ANKRD36C: variants seen among roughly 807,000 people sequenced by gnomAD.
ANKRD36C encodes the protein ankyrin repeat domain 36C.
Under a neutral mutation model 276.4 loss-of-function variants are expected in ANKRD36C, and 61 were observed. The observed-to-expected ratio is 0.22, with a 90% confidence interval of 0.18 to 0.27. ANKRD36C has a LOEUF of 0.27. Ranked by LOEUF, ANKRD36C falls within the 10% of genes least tolerant of loss-of-function variation. The probability of loss-of-function intolerance (pLI) is 1.00; values close to 1 mark genes in which losing one functional copy is unlikely to be tolerated. For missense variants in ANKRD36C, 1,447 were observed against 2,032.3 expected (o/e 0.71, Z 5.54); for synonymous variants, 483 against 680.1 (o/e 0.71, Z 4.51).
At chr2:95,914,667 C>T (rs1219139243) in intron 38 of ANKRD36C, among the ~76,000 whole-genome samples, 1 of 151,444 alleles carries the variant, frequency 6.6e-6, no homozygotes, top group Non-Finnish European at 1.5e-5. Flanking sequence ...TACATGATCC[C>T]ACATGTCTTT....
intron 20 of ANKRD36C, among the ~76,000 whole-genome samples, 177 bp downstream of exon 20, chr2:95,940,978 CAATTA>C (rs1343994563): frequency 6.8e-6 from 1 of 147,922 alleles, no homozygotes; most frequent in Non-Finnish European, 1.5e-5. Flanking sequence ...TGTAATTTAA[CAATTA>C]ATTTAATTTT....
intron 56 of ANKRD36C, among the ~76,000 whole-genome samples, chr2:95,881,328 TA>T (rs1416969538): frequency 6.6e-6 from 1 of 152,230 alleles, no homozygotes; most frequent in African/African-American, 2.4e-5. Flanking sequence ...TAATAAATTA[TA>T]CATATTTATA....
intron 60 of ANKRD36C, among the ~76,000 whole-genome samples, chr2:95,865,582 G>C: frequency 6.6e-6 from 1 of 152,022 alleles, no homozygotes; most frequent in East Asian, 1.9e-4. Flanking sequence ...TTGGGGATAG[G>C]ACCCAAGTCT....
Position 95,948,576 on chromosome 2 carries a change from C to T in ANKRD36C, c.1316G>A (p.Arg439His), listed in dbSNP as rs573046997. 6.0e-4 allele frequency: 917 copies of T among 1,535,416 alleles called. 15 individuals are homozygous for T. The South Asian group carries it at 0.01, about 17-fold the overall frequency. Reference sequence around the variant, plus strand: ...ATCCTTTGTCACAGCCTGTGCAAAACGGTCCAGTAGGTAGAGACACCTACA... The same window carrying T: ...ATCCTTTGTCACAGCCTGTGCAAAATGGTCCAGTAGGTAGAGACACCTACA... Residue 439 changes from arginine (R) to histidine (H), a missense_variant, in exon 17 of 67, where the codon CGT becomes CAT. Around this residue, in one of 13 missense-constraint regions of ANKRD36C, gnomAD observed 24 missense variants for 21.8 expected, o/e 1.10. Coordinates refer to ENST00000456556, the Ensembl canonical transcript of ANKRD36C.
intron 44 of ANKRD36C, 49 bp from the exon 63 acceptor site, chr2:95,893,773 G>A (rs766149831): frequency 6.2e-7 from 1 of 1,602,270 alleles, no homozygotes; most frequent in South Asian, 1.1e-5. Flanking sequence ...ATATGACAAA[G>A]ATATCCATAG....
chr2:95,989,612 G>A (rs1679097753), intron 1 of ANKRD36C, among the ~76,000 whole-genome samples: 1 of 151,934 alleles, frequency 6.6e-6, no homozygotes, highest in Non-Finnish European at 1.5e-5. Context: ...ATTTTAAGCA[G>A]TGCTGAGAAA....
chr2:95,896,916 C>T (rs112878434), intron 44 of ANKRD36C, among the ~76,000 whole-genome samples: 3 of 148,372 alleles, frequency 2.0e-5, no homozygotes, highest in African/African-American at 7.4e-5. Flanking sequence ...CTTGGCAGTA[C>T]GATCTGAAGT....
At chr2:95,971,292 T>C (rs1185639027) in intron 6 of ANKRD36C, among the ~76,000 whole-genome samples, 365 of 76,818 alleles carry the variant, frequency 4.8e-3, no homozygotes, top group East Asian at 9.9e-3. Context: ...AGAAGGTATA[T>C]TTAAATATAA....
intron 46 of ANKRD36C, 113 bp from the exon 67 acceptor site, chr2:95,890,107 T>G: frequency 7.4e-7 from 1 of 1,355,854 alleles, no homozygotes; most frequent in East Asian, 2.4e-5. Flanking sequence ...TAGTGTAGGC[T>G]TTGATGGCTT....
intron 59 of ANKRD36C, among the ~76,000 whole-genome samples, chr2:95,871,442 A>C (rs1675809317): frequency 1.3e-5 from 2 of 152,170 alleles, no homozygotes; most frequent in Non-Finnish European, 2.9e-5. Flanking sequence ...GGAGAAATAA[A>C]ATACTTTACA....
intron 1 of ANKRD36C, among the ~76,000 whole-genome samples, chr2:95,990,005 C>T (rs1679104587): frequency 6.6e-6 from 1 of 152,026 alleles, no homozygotes; most frequent in Non-Finnish European, 1.5e-5. Flanking sequence ...TGTATATACA[C>T]ATATTGTCTT....
chr2:95,990,749 T>C (rs1474107185), intron 1 of ANKRD36C, among the ~76,000 whole-genome samples: 1 of 152,128 alleles, frequency 6.6e-6, no homozygotes, highest in Non-Finnish European at 1.5e-5. Context: ...CAAATTGACA[T>C]AGGTGTCCAT....
chr2:95,989,426 A>C (rs1021638392), intron 1 of ANKRD36C, among the ~76,000 whole-genome samples: 1 of 152,114 alleles, frequency 6.6e-6, no homozygotes, highest in Non-Finnish European at 1.5e-5. Flanking sequence ...GTTTGTGTGT[A>C]TGTATAATCA....
At chr2:95,903,205 C>G (rs1451137460) in intron 42 of ANKRD36C, 124 bp from the exon 53 acceptor site, 3 of 1,460,308 alleles carry the variant, frequency 2.1e-6, no homozygotes, top group Non-Finnish European at 2.8e-6. Context: ...TTGATGGCTT[C>G]TACTTTGTGT....
At chr2:95,986,948 A>G (rs1436415347) in intron 2 of ANKRD36C, 24 bp from the exon 3 acceptor site, 1 of 1,613,266 alleles carries the variant, frequency 6.2e-7, no homozygotes, top group Non-Finnish European at 8.5e-7. Context: ...ACCGAGAAAC[A>G]TGCAAATATT....
chr2:95,955,499 C>T (rs908335539), intron 13 of ANKRD36C, among the ~76,000 whole-genome samples: 16 of 152,038 alleles, frequency 1.1e-4, no homozygotes, highest in African/African-American at 3.9e-4. Context: ...TTCCCTAAAA[C>T]CCTCATTTCT....
chr2:95,897,745 A>G (rs1471958375), intron 44 of ANKRD36C, among the ~76,000 whole-genome samples: 1 of 148,612 alleles, frequency 6.7e-6, no homozygotes, highest in Non-Finnish European at 1.5e-5. Context: ...GGATATGCCG[A>G]GTGATGAGGT....
exon 53 of ANKRD36C, chr2:95,884,351 G>C: frequency 1.2e-6 from 2 of 1,610,820 alleles, no homozygotes; most frequent in East Asian, 2.2e-5. Flanking sequence ...TTCAAGGCTG[G>C]TTGTCTCTGA....
intron 2 of ANKRD36C, 34 bp from the exon 3 acceptor site, chr2:95,986,958 T>G: frequency 3.7e-6 from 6 of 1,613,392 alleles, no homozygotes; most frequent in Non-Finnish European, 5.1e-6. Flanking sequence ...ATGCAAATAT[T>G]GAAAAATCAA....
Sources: allele counts gnomAD v4.1 joint callset (sites outside exome capture counted in the v4.1 genomes callset), GRCh38; gene constraint gnomAD v4.1.1; regional missense constraint gnomAD v4.1.1; transcripts MANE v1.5; gene names NCBI Gene and HGNC (gene_info 2026-07-23, HGNC 2026-07-21).